Variants in ITGB6 observed in about 807,000 individuals in gnomAD.
The protein encoded by ITGB6 is integrin subunit beta 6.
ITGB6 carries 80 observed loss-of-function variants against 84.5 expected under a neutral mutation model. The ratio of observed to expected loss-of-function variants is 0.95; its 90% CI spans 0.79 to 1.14. ITGB6 has a LOEUF of 1.14. ITGB6 is among the 50% of genes most tolerant of loss of function. The probability of loss-of-function intolerance (pLI) is 0.00; values close to 1 mark genes in which losing one functional copy is unlikely to be tolerated. For synonymous variants in ITGB6, 383 were observed against 354.9 expected (o/e 1.08, Z -0.89); for missense variants, 1,006 against 968.0 (o/e 1.04, Z -0.52).
Position 160,107,896 on chromosome 2 carries a change from A to G in ITGB6, c.2102-51T>C, listed in dbSNP as rs541836085. 14 of 1,452,086 alleles carry G rather than the reference A, an allele frequency of 9.6e-6. No homozygotes were observed. In the African/African-American group the frequency reaches 9.9e-5, roughly 10 times the overall value. The allele number at this position is 1,452,086 out of a possible 1,614,324, so 90.0% of individuals were successfully genotyped here. On this transcript the variant is annotated intron_variant, in intron 13 of 14. Coordinates refer to ENST00000283249, the MANE Select transcript of ITGB6 (RefSeq NM_000888.5). Reference sequence around the variant, plus strand: ...AAGGTGGTAAAATCAACATTTTGACATCGGAAAGGCATTTCTTGTTGGATT... The same window carrying G: ...AAGGTGGTAAAATCAACATTTTGACGTCGGAAAGGCATTTCTTGTTGGATT...
In ITGB6 at chr2:160,199,258, C is replaced by G. The variant is rs1686460828; in HGVS notation, c.62G>C (p.Gly21Ala). Residue 21 changes from glycine (G) to alanine (A), a missense_variant and splice_region_variant, in exon 2 of 15, where the codon GGT (glycine) becomes GCT (alanine). By Grantham distance (60) the Gly-to-Ala change is moderately conservative. Transcript: ENST00000283249. ...LFLGRNDHVQGGCALGGAETC... is the reference protein window; with the variant it reads ...LFLGRNDHVQAGCALGGAETC... ...TTCTGCACCTCCCAGGGCACAGCCA[C>G]CTAGGTTTAGACCCAGCAAGATGCA... The G allele has an allele frequency of 6.2e-7, 1 of 1,613,576 alleles. No homozygotes were observed. The highest frequency in any genetic ancestry group is 8.5e-7 in the Non-Finnish European group (1 of 1,179,664).
rs59684039 is a variant in ITGB6 at position 160,134,496 on chromosome 2, T to C, written c.1660+2938A>G. On this transcript the variant is annotated intron_variant, in intron 10 of 14. Transcript: ENST00000283249. ...GAGGTACAAGGAGGAGCTGGTACCA[T>C]TCCTTCTGAAACTATTCCAATCAAT... Among the ~76,000 whole-genome samples the C allele has an allele frequency of 8.8e-3, 1,336 of 152,288 alleles. 23 individuals are homozygous for C. Among genetic ancestry groups the C allele is most frequent in the African/African-American group, 0.031 (1,277 of 41,566 alleles).
intron 12 of ITGB6, among the ~76,000 whole-genome samples, chr2:160,115,752 TA>T (rs904840920): frequency 1.5e-4 from 23 of 152,094 alleles, no homozygotes; most frequent in African/African-American, 5.3e-4. Flanking sequence ...GCAAAGAAGT[TA>T]AAAACTGTGA....
intron 4 of ITGB6, among the ~76,000 whole-genome samples, chr2:160,194,669 C>T (rs1343435997): frequency 6.6e-6 from 1 of 152,120 alleles, no homozygotes; most frequent in East Asian, 1.9e-4. Flanking sequence ...TGGCACAGAG[C>T]ATATGGTAGC....
intron 10 of ITGB6, among the ~76,000 whole-genome samples, chr2:160,136,166 G>T (rs1683704982): frequency 6.6e-6 from 1 of 152,080 alleles, no homozygotes; most frequent in African/African-American, 2.4e-5. Context: ...CTGACAAAGG[G>T]CTAACATCCA....
At chr2:160,170,112 A>G (rs1685147556) in intron 6 of ITGB6, among the ~76,000 whole-genome samples, 1 of 152,228 alleles carries the variant, frequency 6.6e-6, no homozygotes, top group South Asian at 2.1e-4. Context: ...AATTAAATTA[A>G]GAATATGTTA....
chr2:160,188,921 C>A (rs1206155667), intron 4 of ITGB6, among the ~76,000 whole-genome samples: 1 of 152,040 alleles, frequency 6.6e-6, no homozygotes, highest in Non-Finnish European at 1.5e-5. Context: ...CAATTCTTAG[C>A]TAGAGGCATC....
chr2:160,173,247 G>A (rs1574118876), intron 5 of ITGB6, among the ~76,000 whole-genome samples: 1 of 152,200 alleles, frequency 6.6e-6, no homozygotes, highest in Non-Finnish European at 1.5e-5. Context: ...TGAAAGTATG[G>A]CCCGAAGGTC....
At chr2:160,109,972 A>G (rs78437253) in intron 13 of ITGB6, among the ~76,000 whole-genome samples, 4,055 of 152,364 alleles carry the variant, frequency 0.027, 71 homozygotes, top group South Asian at 0.077. Context: ...ATTTTGGATA[A>G]CATCGTAAAT....
chr2:160,125,404 G>C (rs1683198270), intron 11 of ITGB6, among the ~76,000 whole-genome samples: 1 of 152,172 alleles, frequency 6.6e-6, no homozygotes, highest in African/African-American at 2.4e-5. Flanking sequence ...CATATTTATA[G>C]AGAAGATAAA....
intron 10 of ITGB6, among the ~76,000 whole-genome samples, chr2:160,135,306 G>C (rs962345523): frequency 2.6e-5 from 4 of 152,088 alleles, no homozygotes; most frequent in African/African-American, 9.7e-5. Context: ...ATTCACAATT[G>C]CTTCAAAGAG....
chr2:160,190,609 C>G (rs1300627958), intron 4 of ITGB6, among the ~76,000 whole-genome samples: 1 of 152,256 alleles, frequency 6.6e-6, no homozygotes, highest in South Asian at 2.1e-4. Flanking sequence ...TCATGCCTGG[C>G]ACATTGCTTG....
intron 12 of ITGB6, among the ~76,000 whole-genome samples, chr2:160,115,168 C>A (rs1327101258): frequency 3.9e-5 from 6 of 152,248 alleles, no homozygotes; most frequent in Non-Finnish European, 7.3e-5. Context: ...CAGCACACAG[C>A]TGGAGATCTG....
At chr2:160,155,757 G>T (rs1279559504) in intron 7 of ITGB6, among the ~76,000 whole-genome samples, 1 of 152,154 alleles carries the variant, frequency 6.6e-6, no homozygotes, top group Non-Finnish European at 1.5e-5. Flanking sequence ...ATATCTAAAC[G>T]ATTCTACATA....
intron 7 of ITGB6, among the ~76,000 whole-genome samples, chr2:160,148,873 C>T (rs892613250): frequency 2.6e-5 from 4 of 152,214 alleles, no homozygotes; most frequent in Admixed American, 1.3e-4. Context: ...GATCGATCTG[C>T]GAGACAGCAG....
intron 12 of ITGB6, among the ~76,000 whole-genome samples, chr2:160,117,445 A>T (rs1447965121): frequency 6.6e-6 from 1 of 152,172 alleles, no homozygotes; most frequent in Non-Finnish European, 1.5e-5. Context: ...AGGCAGAAAT[A>T]AAGATGTTCT....
intron 7 of ITGB6, among the ~76,000 whole-genome samples, chr2:160,159,942 CAG>C (rs1166388629): frequency 6.6e-6 from 1 of 152,044 alleles, no homozygotes; most frequent in Non-Finnish European, 1.5e-5. Flanking sequence ...GAGGACAAAA[CAG>C]TGTCTTTTTT....
intron 10 of ITGB6, among the ~76,000 whole-genome samples, 156 bp downstream of exon 10, chr2:160,137,278 T>A (rs936957173): frequency 1.3e-5 from 2 of 152,128 alleles, no homozygotes; most frequent in African/African-American, 2.4e-5. Flanking sequence ...CCAGAAAACC[T>A]ACAAGAGAAG....
intron 7 of ITGB6, among the ~76,000 whole-genome samples, chr2:160,166,013 C>A (rs1684987412): frequency 6.6e-6 from 1 of 152,232 alleles, no homozygotes; most frequent in African/African-American, 2.4e-5. Context: ...AATCATTTGA[C>A]AAATATCTAC....
Sources: gnomAD v4.1 joint callset for allele counts (sites outside exome capture counted in the v4.1 genomes callset) on GRCh38, gnomAD v4.1.1 for gene constraint, MANE v1.5 for transcripts, NCBI Gene and HGNC (gene_info 2026-07-23, HGNC 2026-07-21) for gene names.